Variants in ABCC4 observed in about 807,000 individuals in gnomAD.
ABCC4 encodes the protein ATP binding cassette subfamily C member 4 (PEL blood group).
A neutral mutation model predicts 168.5 loss-of-function variants in ABCC4; 102 were observed. The observed-to-expected ratio is 0.61, with a 90% confidence interval of 0.52 to 0.71. The LOEUF is 0.71. ABCC4 is among the 30% of genes least tolerant of loss of function. The pLI is 0.00. For missense variants in ABCC4, 1,402 were observed against 1,605.8 expected (o/e 0.87, Z 2.17); for synonymous variants, 617 against 590.7 (o/e 1.04, Z -0.65).
chr13:95,092,634 A>G (rs780381732), intron 20 of ABCC4, among the ~76,000 whole-genome samples: 2 of 152,176 alleles, frequency 1.3e-5, no homozygotes, highest in African/African-American at 2.4e-5. Flanking sequence ...CTGAAAGAGC[A>G]CAAACTGACA....
chr13:95,113,845 C>T (rs915418156), intron 20 of ABCC4, among the ~76,000 whole-genome samples: 3 of 152,124 alleles, frequency 2.0e-5, no homozygotes, highest in Non-Finnish European at 4.4e-5. Flanking sequence ...ACCATTTAAA[C>T]AATGAATGTT....
chr13:95,084,192 T>G (rs1459828207), intron 20 of ABCC4, among the ~76,000 whole-genome samples: 1 of 152,200 alleles, frequency 6.6e-6, no homozygotes, highest in Non-Finnish European at 1.5e-5. Flanking sequence ...CACTTAAATC[T>G]CACAATATCC....
chr13:95,128,960 C>T (rs1207877869), intron 19 of ABCC4, among the ~76,000 whole-genome samples: 1 of 152,096 alleles, frequency 6.6e-6, no homozygotes, highest in Non-Finnish European at 1.5e-5. Flanking sequence ...AGGAAAACGG[C>T]CTAGCTCTGT....
In ABCC4 at chr13:95,063,710, A is replaced by C. The variant is rs531390647; in HGVS notation, c.3211-851T>G. Among the ~76,000 whole-genome samples the C allele has an allele frequency of 2.6e-5, 4 of 152,366 alleles. No homozygotes were observed. In the South Asian group the frequency reaches 8.3e-4, roughly 32 times the overall value. On this transcript the variant is annotated intron_variant, in intron 25 of 30. Transcript: ENST00000645237. ...TTAAAGCCAAGACAGAGAGAAATGA[A>C]GTGCACTGCCAATACGATCAAAGAA...
chr13:95,075,444 C>T lies in ABCC4; in HGVS notation c.2794G>A (p.Asp932Asn), dbSNP rs777996840. The change falls in exon 22 of 31, where the codon GAT (aspartate) becomes AAT (asparagine). Residue 932 changes from aspartate to asparagine, a missense_variant. Asp to Asn is a conservative substitution (Grantham distance 23). This residue lies in a region of ABCC4 where 1,007 missense variants were observed against 1,127.3 expected (regional missense o/e 0.89). Coordinates refer to ENST00000645237, the MANE Select transcript of ABCC4 (RefSeq NM_005845.5). ...GAAATAGACAGACCTGAATGTAAAT[C>T]CTGGTGTGCATCAAACAGTTCCTGA... ...RCQELFDAHQ[D>N]LHSEAWFLFL... The T allele has an allele frequency of 2.5e-6, 4 of 1,614,120 alleles. No individual in the cohort carries two copies. In the South Asian group the frequency reaches 4.4e-5, roughly 18 times the overall value.
intron 25 of ABCC4, among the ~76,000 whole-genome samples, chr13:95,067,059 G>A (rs2139298133): frequency 6.6e-6 from 1 of 152,312 alleles, no homozygotes; most frequent in East Asian, 1.9e-4. Context: ...CGTTGGACAT[G>A]GGGCAACTGG....
intron 5 of ABCC4, 48 bp from the exon 6 acceptor site, chr13:95,209,645 C>T (rs748258131): frequency 6.5e-7 from 1 of 1,542,816 alleles, no homozygotes; most frequent in African/African-American, 1.4e-5. Context: ...AAAAGCAAAA[C>T]CAGTAAGAAC....
chr13:95,103,318 C>T (rs1467482391), intron 20 of ABCC4, among the ~76,000 whole-genome samples: 2 of 152,152 alleles, frequency 1.3e-5, no homozygotes, highest in Non-Finnish European at 2.9e-5. Context: ...CCTAGAGAAC[C>T]AAGAGCACTT....
At chr13:95,163,697 A>C (rs1214743234) in intron 16 of ABCC4, 50 bp from the exon 17 acceptor site, 1 of 1,498,702 alleles carries the variant, frequency 6.7e-7, no homozygotes, top group South Asian at 1.2e-5. Flanking sequence ...GGCATGACTT[A>C]CCAACTCAAA....
intron 26 of ABCC4, chr13:95,055,463 T>A (rs958126553): frequency 6.6e-5 from 10 of 152,228 alleles, no homozygotes; most frequent in Non-Finnish European, 1.5e-4. Context: ...AACGTATTAT[T>A]TTAAATGAAG....
chr13:95,248,036 T>C (rs1490654915), intron 1 of ABCC4, among the ~76,000 whole-genome samples: 2 of 151,626 alleles, frequency 1.3e-5, no homozygotes, highest in African/African-American at 4.9e-5. Flanking sequence ...AAAACCATTA[T>C]TATCTAAAAG....
chr13:95,025,034 T>C (rs1465681856), intron 30 of ABCC4, among the ~76,000 whole-genome samples: 1 of 151,894 alleles, frequency 6.6e-6, no homozygotes, highest in East Asian at 1.9e-4. Context: ...GGTATGTCAA[T>C]AAAGAATCAA....
Position 95,161,350 on chromosome 13 carries a change from T to TA in ABCC4, c.2309-16dup, listed in dbSNP as rs761699705. On this transcript the variant is annotated splice_polypyrimidine_tract_variant and intron_variant, in intron 18 of 30. Coordinates refer to ENST00000645237, the MANE Select transcript of ABCC4 (RefSeq NM_005845.5). ...TACAGTTAAACCTGAAATAAAGAAA[T>TA]ATCACTTAGAGAACACAGCATATCT... The TA allele has an allele frequency of 6.4e-7, 1 of 1,562,600 alleles. No homozygotes were observed. Among genetic ancestry groups the TA allele is most frequent in the South Asian group, 1.2e-5 (1 of 81,602 alleles).
rs762871137 is a variant in ABCC4 at position 95,194,890 on chromosome 13, C to T, written c.1209G>A (p.Pro403=). 65 of 1,613,952 alleles carry T rather than the reference C, an allele frequency of 4.0e-5. No individual in the cohort carries two copies. Among genetic ancestry groups the T allele is most frequent in the Middle Eastern group, 3.3e-4 (2 of 6,084 alleles). ...CATGCACCATCTTTTTACCATCTGA[C>T]GGCAGCTGACGGTTGCGCTGTGATA... ...DEISQRNRQL[P]SDGKKMVHVQ... is the part of the protein sequence containing the mutation. Residue 403 remains proline (P), a synonymous_variant, in exon 9 of 31, where the codon CCG becomes CCA. Transcript: ENST00000645237.
In ABCC4 at chr13:95,071,862, A is replaced by C; in HGVS notation, c.3019-9T>G. 1 of 1,510,872 alleles carries C rather than the reference A, an allele frequency of 6.6e-7. No individual in the cohort carries two copies. Among genetic ancestry groups the C allele is most frequent in the Non-Finnish European group, 8.8e-7 (1 of 1,131,486 alleles). The allele number at this position is 1,510,872 out of a possible 1,614,324, so 93.6% of individuals were successfully genotyped here. On this transcript the variant is annotated splice_polypyrimidine_tract_variant and intron_variant, in intron 24 of 30. Coordinates refer to ENST00000645237, the MANE Select transcript of ABCC4 (RefSeq NM_005845.5). ...CTTTCTACTGAGATCATCTGAAAGAAATATGACATCCCGAGGGGTTAGGAA... is the reference window on the plus strand; with the variant it reads ...CTTTCTACTGAGATCATCTGAAAGACATATGACATCCCGAGGGGTTAGGAA...
At chr13:95,105,159 G>C (rs2034959182) in intron 20 of ABCC4, among the ~76,000 whole-genome samples, 1 of 151,920 alleles carries the variant, frequency 6.6e-6, no homozygotes, top group Admixed American at 6.6e-5. Flanking sequence ...TCATAAGGTA[G>C]ATGCAAGCTA....
chr13:95,166,495 G>C (rs1466059040), intron 14 of ABCC4, 128 bp from the exon 15 acceptor site: 2 of 762,278 alleles, frequency 2.6e-6, no homozygotes, highest in Non-Finnish European at 4.2e-6. Flanking sequence ...AATCCTAGTT[G>C]ACAAATCTAA....
intron 4 of ABCC4, among the ~76,000 whole-genome samples, chr13:95,212,248 T>C (rs2038981274): frequency 6.8e-6 from 1 of 146,676 alleles, no homozygotes; most frequent in African/African-American, 2.5e-5. Flanking sequence ...AAGAAGAAAA[T>C]GTAGGAGTGA....
intron 30 of ABCC4, among the ~76,000 whole-genome samples, chr13:95,025,307 A>C (rs1286563419): frequency 2.6e-3 from 20 of 7,620 alleles, no homozygotes; most frequent in Non-Finnish European, 3.6e-3. Flanking sequence ...ACATACGCCC[A>C]CCCCCCACAC....
Sources: allele counts gnomAD v4.1 joint callset (sites outside exome capture counted in the v4.1 genomes callset), GRCh38; gene constraint gnomAD v4.1.1; regional missense constraint gnomAD v4.1.1; transcripts MANE v1.5; gene names NCBI Gene and HGNC (gene_info 2026-07-23, HGNC 2026-07-21).